UNC5A: variants seen among roughly 807,000 people sequenced by gnomAD.
UNC5A encodes the protein unc-5 netrin receptor A, also known as netrin receptor UNC5A.
UNC5A carries 20 observed loss-of-function variants against 87.4 expected under a neutral mutation model. The observed-to-expected ratio is 0.23, with a 90% CI of 0.16 to 0.33. UNC5A has a LOEUF of 0.33. UNC5A is among the 10% of genes least tolerant of loss of function. UNC5A has a pLI of 1.00. For synonymous variants in UNC5A, 438 were observed against 482.3 expected, an observed-to-expected ratio of 0.91 and a Z score of 1.20; for missense variants, 844 against 1,133.4, an observed-to-expected ratio of 0.74 and a Z score of 3.67.
Position 176,879,898 on chromosome 5 carries a change from C to T in UNC5A, c.*12C>T. 2 of 1,547,290 alleles carry T rather than the reference C, an allele frequency of 1.3e-6. No homozygotes were observed. Among genetic ancestry groups the T allele is most frequent in the South Asian group, 1.2e-5 (1 of 82,550 alleles). On this transcript the variant is annotated 3_prime_UTR_variant, in exon 15 of 15. Transcript: ENST00000329542. ...AGGCTGAGTGCTGAGGCCGGCCAGGCCCGACACCTACACTCTCACCAGCTT... is the reference window on the plus strand; with the variant it reads ...AGGCTGAGTGCTGAGGCCGGCCAGGTCCGACACCTACACTCTCACCAGCTT...
Position 176,848,250 on chromosome 5 carries a change from G to T in UNC5A, c.71-14374G>T, listed in dbSNP as rs1013697791. On this transcript the variant is annotated intron_variant, in intron 1 of 14. Coordinates refer to ENST00000329542, the MANE Select transcript of UNC5A (RefSeq NM_133369.3). This position sits in a 1 kb window ranked among gnomAD's most constrained non-coding sequence, Gnocchi z 5.8. ...TCCTTTAGGGACCCTTGGGGAGGGG[G>T]TACCCCAGCTTCTCTCTCCCCTGCT... Among the ~76,000 whole-genome samples, 2 of 152,146 alleles carry T rather than the reference G, an allele frequency of 1.3e-5. No individual in the cohort carries two copies. The highest frequency in any genetic ancestry group is 1.9e-4 in the East Asian group (1 of 5,164).
chr5:176,823,647 C>T (rs759337139), intron 1 of UNC5A, among the ~76,000 whole-genome samples: 4 of 151,492 alleles, frequency 2.6e-5, no homozygotes, highest in Non-Finnish European at 5.9e-5. Context: ...AGCAGAGGCT[C>T]GGAGGTCTGG....
chr5:176,831,283 C>G (rs192055981), intron 1 of UNC5A, among the ~76,000 whole-genome samples: 127 of 152,280 alleles, frequency 8.3e-4, no homozygotes, highest in Non-Finnish European at 1.6e-3. Context: ...CGGGCCAGGG[C>G]TCGATTTATG....
intron 1 of UNC5A, among the ~76,000 whole-genome samples, chr5:176,859,374 C>T (rs9800232): frequency 0.012 from 570 of 49,196 alleles, no homozygotes; most frequent in Non-Finnish European, 0.016. Flanking sequence ...TGCTAGAATG[C>T]CCTTGCTAGA....
intron 1 of UNC5A, among the ~76,000 whole-genome samples, chr5:176,825,575 T>C (rs1461078394): frequency 2.0e-5 from 3 of 151,968 alleles, no homozygotes; most frequent in Non-Finnish European, 2.9e-5. Context: ...CAGTGAAGGT[T>C]TCAGGGAGAA....
Position 176,858,768 on chromosome 5 carries a change from A to AAGGAAGGC in UNC5A, c.71-3854_71-3847dup, listed in dbSNP as rs1554098977. Among the ~76,000 whole-genome samples, 108 of 135,850 alleles carry AAGGAAGGC rather than the reference A, an allele frequency of 7.9e-4. 5 individuals carry two copies. The highest frequency in any genetic ancestry group is 3.8e-3 in the Middle Eastern group (1 of 264). The allele number at this position is 135,850 out of a possible 152,430, so 89.1% of individuals were successfully genotyped here. A position where few individuals can be genotyped will look rare whatever the true frequency, so the allele number is the denominator to read the frequency against. On this transcript the variant is annotated intron_variant, in intron 1 of 14. Coordinates refer to ENST00000329542, the MANE Select transcript of UNC5A (RefSeq NM_133369.3). ...GAAGGAAGGAAGGAAGGAAGGAAGGAAGGAAGGCAAGCAAGCAGGCAGGGA... is the reference window on the plus strand; with the variant it reads ...GAAGGAAGGAAGGAAGGAAGGAAGGAAGGAAGGCAGGAAGGCAAGCAAGCAGGCAGGGA...
At chr5:176,822,688 G>A (rs760426643) in intron 1 of UNC5A, among the ~76,000 whole-genome samples, 2 of 152,236 alleles carry the variant, frequency 1.3e-5, no homozygotes, top group Admixed American at 1.3e-4. Context: ...TTCAGAGCTG[G>A]TCCCTGGGCA....
In UNC5A at chr5:176,822,928, C is replaced by T. The variant is rs114725517; in HGVS notation, c.70+12108C>T. On this transcript the variant is annotated intron_variant, in intron 1 of 14. Coordinates refer to ENST00000329542, the MANE Select transcript of UNC5A (RefSeq NM_133369.3). ...GCAAGCGACAGGGCTGTGACCACAT[C>T]TCTGAGCTGGGGAGTGACAGGCAGT... Among the ~76,000 whole-genome samples the T allele has an allele frequency of 8.7e-3, 1,323 of 152,232 alleles. 22 individuals are homozygous for T. Among genetic ancestry groups the T allele is most frequent in the African/African-American group, 0.03 (1,249 of 41,536 alleles).
At chr5:176,873,677 G>A (rs563129779) in intron 6 of UNC5A, among the ~76,000 whole-genome samples, 103 of 152,164 alleles carry the variant, frequency 6.8e-4, no homozygotes, top group Non-Finnish European at 1.3e-3. Context: ...CAGGTTATCC[G>A]CTCTGGGGAA....
At chr5:176,840,766 T>G (rs1441298317) in intron 1 of UNC5A, among the ~76,000 whole-genome samples, 2 of 152,138 alleles carry the variant, frequency 1.3e-5, no homozygotes, top group Non-Finnish European at 2.9e-5. Flanking sequence ...TTCAGAGAAA[T>G]CTCATTCTGC....
chr5:176,816,012 C>T (rs567950254), intron 1 of UNC5A, among the ~76,000 whole-genome samples: 6 of 152,354 alleles, frequency 3.9e-5, no homozygotes, highest in Non-Finnish European at 8.8e-5. Flanking sequence ...CTGAGCAGAA[C>T]GAAATTCTAG....
At position 176,838,482 on chromosome 5, in the gene UNC5A, A is replaced by G. The variant is rs1479284885; in HGVS notation, c.71-24142A>G. Among the ~76,000 whole-genome samples the G allele has an allele frequency of 6.6e-6, 1 of 152,246 alleles. No homozygotes were observed. The highest frequency in any genetic ancestry group is 1.5e-5 in the Non-Finnish European group (1 of 68,046). ...TGGTTGCAGTATGAAAGAAAACTCG[A>G]CTCACACAGACTTAAACACATTTAC... On this transcript the variant is annotated intron_variant, in intron 1 of 14. Coordinates refer to ENST00000329542, the MANE Select transcript of UNC5A (RefSeq NM_133369.3). This position sits in a 1 kb window ranked among gnomAD's most constrained non-coding sequence, Gnocchi z 4.2.
At chr5:176,846,463 G>A (rs1463802546) in intron 1 of UNC5A, among the ~76,000 whole-genome samples, 2 of 152,158 alleles carry the variant, frequency 1.3e-5, no homozygotes, top group South Asian at 2.1e-4. Context: ...TCCATGATGG[G>A]GGACAGGTGA....
chr5:176,855,429 G>A (rs147221142), intron 1 of UNC5A, among the ~76,000 whole-genome samples: 16 of 152,228 alleles, frequency 1.1e-4, no homozygotes, highest in Non-Finnish European at 2.4e-4. Flanking sequence ...GAGGGGGAGC[G>A]TGCCCACCTC....
chr5:176,834,901 C>T (rs776058672), intron 1 of UNC5A, among the ~76,000 whole-genome samples: 1 of 152,202 alleles, frequency 6.6e-6, no homozygotes, highest in African/African-American at 2.4e-5. Context: ...AGAGGAGCAA[C>T]GTGTGCACTG....
chr5:176,864,762 G>A, intron 2 of UNC5A: 1 of 452,542 alleles, frequency 2.2e-6, no homozygotes, highest in South Asian at 1.6e-5. Flanking sequence ...CTTGGGTTAG[G>A]TACTAGGAGT....
chr5:176,873,490 C>T (rs971171781), intron 6 of UNC5A, among the ~76,000 whole-genome samples: 5 of 152,160 alleles, frequency 3.3e-5, no homozygotes, highest in Admixed American at 6.5e-5. Context: ...CTGCCCCAGG[C>T]CTTGGGGAGG....
chr5:176,870,435 A>G lies in UNC5A; in HGVS notation c.787A>G (p.Ser263Gly), dbSNP rs1274699099. ...ACGLDCTHWRSRECSDPAPRN... is the reference protein window; with the variant it reads ...ACGLDCTHWRGRECSDPAPRN... ...TGGGCTGGACTGCACCCACTGGCGG[A>G]GCCGTGAGTGCTCTGACCCAGCACC... is the stretch of plus-strand genomic sequence containing the variant. Residue 263 changes from serine (S) to glycine (G), a missense_variant, in exon 6 of 15, where the codon AGC becomes GGC. By Grantham distance (56) the Ser-to-Gly change is moderately conservative (BLOSUM62 0). This residue lies in a region of UNC5A where 314 missense variants were observed against 466.5 expected (regional missense o/e 0.67). Transcript: ENST00000329542. 6.2e-7 allele frequency: 1 copy of G among 1,612,016 alleles called. No homozygotes were observed. The highest frequency in any genetic ancestry group is 2.2e-5 in the East Asian group (1 of 44,860).
rs1757861101 is a variant in UNC5A, at chr5:176,862,341, C to T, written c.71-283C>T. On this transcript the variant is annotated intron_variant, in intron 1 of 14. Transcript: ENST00000329542. ...ATCCCTGGACTTCTAGGAAGGCAGT[C>T]GCCAGGCCACCTCGGTGCTGGGACT... Among the ~76,000 whole-genome samples the T allele has an allele frequency of 5.9e-5, 9 of 152,220 alleles. 1 individual carries two copies. The highest frequency in any genetic ancestry group is 2.0e-4 in the Admixed American group (3 of 15,290).
Sources: gnomAD v4.1 joint callset for allele counts (sites outside exome capture counted in the v4.1 genomes callset) on GRCh38, gnomAD v4.1.1 for gene constraint, gnomAD v4.1.1 regional missense constraint, Gnocchi (gnomAD v3.1) non-coding constraint, MANE v1.5 for transcripts, NCBI Gene and HGNC (gene_info 2026-07-23, HGNC 2026-07-21) for gene names.